Variants in LTBP1 observed in about 807,000 individuals in gnomAD.
The protein encoded by LTBP1 is latent-transforming growth factor beta-binding protein 1.
A neutral mutation model predicts 207.6 loss-of-function variants in LTBP1; 129 were observed. That is an observed-to-expected ratio of 0.62 (90% CI 0.54 to 0.72). The LOEUF (loss-of-function observed/expected upper bound fraction) is 0.72. Ranked by LOEUF, LTBP1 falls within the 30% of genes least tolerant of loss-of-function variation. LTBP1 has a pLI of 0.00. For missense variants in LTBP1, 2,281 were observed against 2,217.2 expected, an observed-to-expected ratio of 1.03 and a Z score of -0.58; for synonymous variants, 963 against 833.7, an observed-to-expected ratio of 1.16 and a Z score of -2.67.
intron 7 of LTBP1, among the ~76,000 whole-genome samples, chr2:33,204,126 G>A (rs867571740): frequency 2.3e-4 from 35 of 152,276 alleles, no homozygotes; most frequent in African/African-American, 7.9e-4. Flanking sequence ...ATTTTTTGCC[G>A]TATATTGAAG....
intron 3 of LTBP1, among the ~76,000 whole-genome samples, chr2:33,029,643 C>T (rs1291451248): frequency 6.6e-6 from 1 of 152,224 alleles, no homozygotes; most frequent in African/African-American, 2.4e-5. Flanking sequence ...CTCAGCAGGG[C>T]TGCAGCAGAG....
chr2:32,957,865 G>A (rs970676055), intron 2 of LTBP1, among the ~76,000 whole-genome samples: 8 of 152,114 alleles, frequency 5.3e-5, no homozygotes, highest in Admixed American at 1.3e-4. Flanking sequence ...TGCCTGTTAC[G>A]GATTGAGCAC....
At chr2:33,241,988 G>A (rs11692723) in intron 9 of LTBP1, among the ~76,000 whole-genome samples, 1 of 152,048 alleles carries the variant, frequency 6.6e-6, no homozygotes, top group Admixed American at 6.5e-5. Context: ...TCTAGCTGTA[G>A]CAGTTTCCAG....
intron 3 of LTBP1, among the ~76,000 whole-genome samples, chr2:33,052,253 C>G (rs1303218765): frequency 6.6e-6 from 1 of 152,218 alleles, no homozygotes; most frequent in Non-Finnish European, 1.5e-5. Flanking sequence ...TTGCCAAATA[C>G]TTGGGTGTGT....
At chr2:33,353,020 G>T (rs907711584) in intron 26 of LTBP1, among the ~76,000 whole-genome samples, 1 of 129,612 alleles carries the variant, frequency 7.7e-6, no homozygotes, top group Non-Finnish European at 1.6e-5. Context: ...GCTCCATTGC[G>T]CAGGCTGGAG....
intron 5 of LTBP1, among the ~76,000 whole-genome samples, chr2:33,137,008 A>G (rs1243545633): frequency 6.6e-6 from 1 of 152,220 alleles, no homozygotes; most frequent in Admixed American, 6.5e-5. Flanking sequence ...TTTCATTTAT[A>G]TTCTGAGCTA....
At chr2:32,959,011 A>G (rs1572822393) in intron 2 of LTBP1, among the ~76,000 whole-genome samples, 1 of 152,248 alleles carries the variant, frequency 6.6e-6, no homozygotes, top group South Asian at 2.1e-4. Flanking sequence ...AGATCCCCAA[A>G]TACTGCTCTT....
chr2:33,386,058 C>G (rs1049500986), intron 31 of LTBP1, among the ~76,000 whole-genome samples: 1 of 152,140 alleles, frequency 6.6e-6, no homozygotes, highest in Non-Finnish European at 1.5e-5. Context: ...CCTCCACTGC[C>G]CGCTTCCCTA....
At chr2:33,296,139 C>T (rs2093871103) in intron 20 of LTBP1, among the ~76,000 whole-genome samples, 1 of 152,210 alleles carries the variant, frequency 6.6e-6, no homozygotes, top group African/African-American at 2.4e-5. Context: ...ATGAGGATCT[C>T]AAGCCTTAGG....
At chr2:32,952,814 G>C (rs1202274711) in intron 2 of LTBP1, among the ~76,000 whole-genome samples, 2 of 152,236 alleles carry the variant, frequency 1.3e-5, no homozygotes, top group African/African-American at 2.4e-5. Flanking sequence ...GAATGAAAGA[G>C]AGGAGAGTGA....
At chr2:32,995,547 C>T (rs186180695) in intron 2 of LTBP1, among the ~76,000 whole-genome samples, 252 of 152,050 alleles carry the variant, frequency 1.7e-3, no homozygotes, top group African/African-American at 5.7e-3. Context: ...TTTGGGAGGC[C>T]GAGGCAGGCG....
intron 3 of LTBP1, among the ~76,000 whole-genome samples, chr2:33,106,304 G>T (rs1008726666): frequency 6.6e-6 from 1 of 152,148 alleles, no homozygotes; most frequent in African/African-American, 2.4e-5. Flanking sequence ...TTGATATTTG[G>T]ACCTCCTCCC....
chr2:33,370,761 G>A, intron 31 of LTBP1, among the ~76,000 whole-genome samples: 1 of 152,148 alleles, frequency 6.6e-6, no homozygotes, highest in South Asian at 2.1e-4. Context: ...CAGACATCAT[G>A]CATCCCATTT....
chr2:33,203,479 C>T (rs777622635), intron 7 of LTBP1, among the ~76,000 whole-genome samples: 4 of 152,196 alleles, frequency 2.6e-5, no homozygotes, highest in Non-Finnish European at 4.4e-5. Flanking sequence ...CGTTACCCTT[C>T]CTGCGGCCCA....
intron 20 of LTBP1, among the ~76,000 whole-genome samples, chr2:33,296,800 T>C (rs1035504736): frequency 3.9e-5 from 6 of 152,190 alleles, no homozygotes; most frequent in African/African-American, 1.4e-4. Context: ...TGAGCTTGGA[T>C]AAGTTACGGT....
intron 3 of LTBP1, among the ~76,000 whole-genome samples, chr2:33,077,398 G>A (rs2078140006): frequency 6.6e-6 from 1 of 152,194 alleles, no homozygotes; most frequent in South Asian, 2.1e-4. Context: ...TTGGCTCAGG[G>A]TTCTGCAGGC....
chr2:33,021,327 T>C, intron 3 of LTBP1, 121 bp downstream of exon 3: 2 of 934,446 alleles, frequency 2.1e-6, no homozygotes, highest in Non-Finnish European at 3.1e-6. Flanking sequence ...AATAATGTTT[T>C]TCTTTCCTTT....
Position 33,363,395 on chromosome 2 carries a change from G to A in LTBP1, c.4276G>A (p.Asp1426Asn). Reference protein sequence around the residue: ...EAGGENYKDADECLLFGQEIC... With the variant: ...EAGGENYKDANECLLFGQEIC... ...CTCAATTTTTTTCCCCGTAGATGCA[G>A]ATGAATGCCTACTTTTTGGACAAGA... Residue 1426 changes from aspartate (D) to asparagine (N), a missense_variant, in exon 29 of 34, where the codon GAT (aspartate) becomes AAT (asparagine). By Grantham distance (23) the Asp-to-Asn change is conservative (BLOSUM62 1). Transcript: ENST00000404816. 5 of 1,613,666 alleles carry A rather than the reference G, an allele frequency of 3.1e-6. No individual in the cohort carries two copies. Among genetic ancestry groups the A allele is most frequent in the Non-Finnish European group, 4.2e-6 (5 of 1,179,662 alleles).
chr2:33,228,325 A>G (rs1451502455), intron 9 of LTBP1, among the ~76,000 whole-genome samples: 2 of 152,208 alleles, frequency 1.3e-5, no homozygotes, highest in African/African-American at 2.4e-5. Context: ...AGTTATCTCC[A>G]TTAGCCTTTA....
Sources: allele counts gnomAD v4.1 joint callset (sites outside exome capture counted in the v4.1 genomes callset), GRCh38; gene constraint gnomAD v4.1.1; transcripts MANE v1.5; gene names NCBI Gene and HGNC (gene_info 2026-07-23, HGNC 2026-07-21).